Variants in DCP1B observed in about 807,000 individuals in gnomAD.
DCP1B encodes the protein decapping mRNA 1B, also known as mRNA-decapping enzyme 1B.
A neutral mutation model predicts 60.5 loss-of-function variants in DCP1B; 47 were observed. That is an observed-to-expected ratio of 0.78 (90% CI 0.61 to 0.99). The LOEUF (loss-of-function observed/expected upper bound fraction) is 0.99. DCP1B is among the 50% of genes least tolerant of loss of function. The probability of loss-of-function intolerance (pLI) is 0.00; values close to 1 mark genes in which losing one functional copy is unlikely to be tolerated. For synonymous variants in DCP1B, 267 were observed against 280.3 expected (o/e 0.95, Z 0.47); for missense variants, 725 against 756.8 (o/e 0.96, Z 0.49).
Position 1,952,642 on chromosome 12 carries a change from G to A in DCP1B, c.1298C>T (p.Thr433Ile). ...GREQSTLPRQTLPISGSQTGS... is the reference protein window; with the variant it reads ...GREQSTLPRQILPISGSQTGS... ...AGTCTGACTACCAGAGATGGGGAGT[G>A]TTTGTCTTGGGAGTGTGGACTGTTC... Residue 433 changes from threonine (T) to isoleucine (I), a missense_variant, in exon 7 of 9, where the codon ACA (threonine) becomes ATA (isoleucine). Thr to Ile is a moderately conservative substitution (Grantham distance 89, BLOSUM62 -1). Coordinates refer to ENST00000280665, the MANE Select transcript of DCP1B (RefSeq NM_152640.5). 1 of 1,614,200 alleles carries A rather than the reference G, an allele frequency of 6.2e-7. No homozygotes were observed. The highest frequency in any genetic ancestry group is 8.5e-7 in the Non-Finnish European group (1 of 1,180,036).
rs930809830 is a variant in DCP1B at position 1,967,711 on chromosome 12, A to C, written c.386+133T>G. On this transcript the variant is annotated intron_variant, in intron 4 of 8. Transcript: ENST00000280665. ...AATTTTCATTTATTAATTAATACTA[A>C]ATGTCTGCCTAACCAGTGAAAAGGA... The C allele has an allele frequency of 3.1e-5, 22 of 708,366 alleles. No homozygotes were observed. The African/African-American group carries it at 3.9e-4, about 12-fold the overall frequency. 43.9% of individuals were successfully genotyped at this position (708,366 alleles called of 1,614,324 possible). A position where few individuals can be genotyped will look rare whatever the true frequency, so the allele number is the denominator to read the frequency against.
intron 3 of DCP1B, among the ~76,000 whole-genome samples, chr12:1,968,492 A>T (rs536251985): frequency 6.6e-6 from 1 of 152,324 alleles, no homozygotes; most frequent in South Asian, 2.1e-4. Flanking sequence ...GGCACTCGGC[A>T]AAATCCTCTG....
At chr12:1,977,228 G>C (rs1326855866) in intron 3 of DCP1B, among the ~76,000 whole-genome samples, 3 of 152,162 alleles carry the variant, frequency 2.0e-5, no homozygotes, top group Admixed American at 6.5e-5. Flanking sequence ...TGAAGCCTAG[G>C]AGAAAGCTTA....
At chr12:1,970,709 C>A in intron 3 of DCP1B, 1 of 178,536 alleles carries the variant, frequency 5.6e-6, no homozygotes, top group East Asian at 1.6e-4. Context: ...GATGAGCTGA[C>A]AGGCTGACAG....
intron 5 of DCP1B, among the ~76,000 whole-genome samples, chr12:1,965,268 A>G (rs2031254396): frequency 6.6e-6 from 1 of 152,180 alleles, no homozygotes; most frequent in African/African-American, 2.4e-5. Context: ...GTCTTGCAGT[A>G]AGTCTAACAA....
chr12:1,949,959 G>T (rs576121475), intron 7 of DCP1B: 196 of 232,134 alleles, frequency 8.4e-4, no homozygotes, highest in African/African-American at 4.3e-3. Flanking sequence ...TGTCTGCTGA[G>T]TCTAACTCCC....
chr12:1,950,679 C>T (rs2154456488), intron 7 of DCP1B, among the ~76,000 whole-genome samples: 1 of 152,322 alleles, frequency 6.6e-6, no homozygotes, highest in East Asian at 1.9e-4. Context: ...CAAGGTCTCA[C>T]TCTACTGCCC....
At chr12:1,946,326 G>T (rs2030421671) in intron 8 of DCP1B, 40 bp from the exon 9 acceptor site, 2 of 1,535,784 alleles carry the variant, frequency 1.3e-6, no homozygotes, top group East Asian at 4.6e-5. Flanking sequence ...ATGTTACTTG[G>T]TTGGCAGACA....
intron 3 of DCP1B, among the ~76,000 whole-genome samples, chr12:1,978,884 G>A (rs879217818): frequency 6.6e-6 from 1 of 152,048 alleles, no homozygotes; most frequent in Admixed American, 6.6e-5. Context: ...TCTTCTTATC[G>A]CTGAGTAGTG....
chr12:1,943,460 C>CA (rs1475977516), downstream of DCP1B, among the ~76,000 whole-genome samples: 1 of 152,112 alleles, frequency 6.6e-6, no homozygotes, highest in African/African-American at 2.4e-5. Flanking sequence ...ATCTTGATAC[C>CA]AAAACCTGGC....
At position 1,953,129 on chromosome 12, in the gene DCP1B, C is replaced by A. The variant is rs949684189; in HGVS notation, c.811G>T (p.Val271Leu). 1.9e-6 allele frequency: 3 copies of A among 1,613,150 alleles called. No homozygotes were observed. The highest frequency in any genetic ancestry group is 2.2e-5 in the East Asian group (1 of 44,786). ...GGTTCCTCATAGGACAGGGAGCGTA[C>A]AACCCCCTGCCTAATTGGAAGCTTC... ...QEKLPIRQGV[V>L]RSLSYEEPRR... is the part of the protein sequence containing the mutation. Residue 271 changes from valine (V) to leucine (L), a missense_variant, in exon 7 of 9, where the codon GTA (valine) becomes TTA (leucine). Transcript: ENST00000280665.
chr12:2,004,402 C>A lies in DCP1B; in HGVS notation c.30G>T (p.Val10=). 6.2e-7 allele frequency: 1 copy of A among 1,611,788 alleles called. No individual in the cohort carries two copies. The highest frequency in any genetic ancestry group is 2.2e-5 in the East Asian group (1 of 44,842). Residue 10 remains valine (V), a synonymous_variant, in exon 1 of 9, where the codon GTG becomes GTT. Transcript: ENST00000280665. ...CTAGGCTGATGTCGCGCCCCTTTCC[C>A]ACCAGGCCGCCTGCCGCCACGGCTG... is the stretch of plus-strand genomic sequence containing the variant. MAAVAAGGL[V]GKGRDISLAA...
Position 1,953,029 on chromosome 12 carries a change from A to T in DCP1B, c.911T>A (p.Leu304His). The T allele has an allele frequency of 3.1e-6, 5 of 1,614,150 alleles. No individual in the cohort carries two copies. Among genetic ancestry groups the T allele is most frequent in the Non-Finnish European group, 4.2e-6 (5 of 1,180,000 alleles). The change falls in exon 7 of 9, where the codon CTC becomes CAC. Residue 304 changes from leucine (L) to histidine (H), a missense_variant. Leu to His is a moderately conservative substitution (Grantham distance 99). Coordinates refer to ENST00000280665, the MANE Select transcript of DCP1B (RefSeq NM_152640.5). ...IQKLMVRSAD[L>H]HPLSELPENR... is the part of the protein sequence containing the mutation. ...TTCAGGCAGCTCTGACAATGGGTGG[A>T]GGTCTGCGCTCCTGACCATGAGTTT...
chr12:1,958,288 T>C (rs2030971955), intron 5 of DCP1B, among the ~76,000 whole-genome samples: 1 of 148,990 alleles, frequency 6.7e-6, no homozygotes, highest in East Asian at 2.0e-4. Context: ...ACTTTTTCTA[T>C]AAACCTACTG....
intron 1 of DCP1B, among the ~76,000 whole-genome samples, chr12:2,000,909 C>T (rs146813825): frequency 6.6e-6 from 1 of 151,976 alleles, no homozygotes. Context: ...TGGTGGCAGG[C>T]GCCTGTAATC....
chr12:1,978,110 A>G (rs2034992520), intron 3 of DCP1B, among the ~76,000 whole-genome samples: 1 of 152,330 alleles, frequency 6.6e-6, no homozygotes, highest in East Asian at 1.9e-4. Flanking sequence ...TACGGTTTCC[A>G]TATTTTTGGC....
At chr12:1,965,452 G>T in intron 5 of DCP1B, 106 bp downstream of exon 5, 1 of 1,271,234 alleles carries the variant, frequency 7.9e-7, no homozygotes, top group Non-Finnish European at 1.0e-6. Context: ...ATATAATTTT[G>T]TTTGGTGGAA....
At chr12:1,999,316 A>G (rs934711922) in intron 1 of DCP1B, among the ~76,000 whole-genome samples, 4 of 152,254 alleles carry the variant, frequency 2.6e-5, no homozygotes, top group Non-Finnish European at 5.9e-5. Flanking sequence ...GGCACAAATC[A>G]TATCAAGCTA....
intron 5 of DCP1B, among the ~76,000 whole-genome samples, chr12:1,956,433 C>A (rs1312022809): frequency 6.6e-6 from 1 of 152,190 alleles, no homozygotes; most frequent in Non-Finnish European, 1.5e-5. Flanking sequence ...TAAACACAAT[C>A]TTGTCCCTCA....
Sources: allele counts gnomAD v4.1 joint callset (sites outside exome capture counted in the v4.1 genomes callset), GRCh38; gene constraint gnomAD v4.1.1; transcripts MANE v1.5; gene names NCBI Gene and HGNC (gene_info 2026-07-23, HGNC 2026-07-21).